The following TNIK variants were observed in gnomAD, a reference collection of about 807,000 sequenced individuals.
The protein encoded by TNIK is TRAF2 and NCK interacting kinase.
In TNIK, 49 loss-of-function variants were observed where a neutral mutation model predicts 191.3. The observed-to-expected ratio is 0.26, with a 90% CI of 0.20 to 0.32. The LOEUF (loss-of-function observed/expected upper bound fraction) is 0.32, where lower values mean the gene tolerates loss of function less well. Among genes scored for constraint, TNIK ranks in the 10% least tolerant of loss-of-function variants. TNIK has a pLI of 1.00. For missense variants in TNIK, 1,155 were observed against 1,702.3 expected, an observed-to-expected ratio of 0.68 and a Z score of 5.66; for synonymous variants, 594 against 600.9, an observed-to-expected ratio of 0.99 and a Z score of 0.17.
At chr3:171,419,058 C>T (rs1414103568) in intron 1 of TNIK, among the ~76,000 whole-genome samples, 14 of 152,250 alleles carry the variant, frequency 9.2e-5, no homozygotes, top group Non-Finnish European at 5.9e-5. Flanking sequence ...ATTAATCCTA[C>T]CAGATTAGGG....
Position 171,126,086 on chromosome 3 carries a change from C to T in TNIK, c.1839G>A (p.Glu613=), listed in dbSNP as rs1728438637. ...PALTASQSVH[E]QPTKGLSGFQ... ...ACCCAGAGAGGCCCTTTGTGGGCTG[C>T]TCGTGCACTGACTGGGAGGCGGTCA... The change falls in exon 17 of 33, where the codon GAG becomes GAA. Residue 613 remains glutamate, a synonymous_variant. Coordinates refer to ENST00000436636, the MANE Select transcript of TNIK (RefSeq NM_015028.4). The T allele has an allele frequency of 1.2e-6, 2 of 1,605,822 alleles. No individual in the cohort carries two copies. Among genetic ancestry groups the T allele is most frequent in the Non-Finnish European group, 1.7e-6 (2 of 1,175,416 alleles).
At chr3:171,210,504 G>A (rs1160961130) in intron 4 of TNIK, among the ~76,000 whole-genome samples, 1 of 152,166 alleles carries the variant, frequency 6.6e-6, no homozygotes, top group African/African-American at 2.4e-5. Flanking sequence ...TACCTAAGTG[G>A]ACTAGGGGAA....
At chr3:171,326,855 GCT>G (rs1168635953) in intron 2 of TNIK, among the ~76,000 whole-genome samples, 1 of 152,160 alleles carries the variant, frequency 6.6e-6, no homozygotes, top group African/African-American at 2.4e-5. Flanking sequence ...CCTTGAGGGT[GCT>G]CTTCTTAGGA....
intron 10 of TNIK, among the ~76,000 whole-genome samples, chr3:171,162,086 T>C (rs1734063954): frequency 6.6e-6 from 1 of 152,140 alleles, no homozygotes; most frequent in Non-Finnish European, 1.5e-5. Flanking sequence ...TAGACTATTT[T>C]GCTAAGTGCA....
chr3:171,289,279 G>A (rs1751412183), intron 2 of TNIK, among the ~76,000 whole-genome samples: 1 of 152,180 alleles, frequency 6.6e-6, no homozygotes, highest in Non-Finnish European at 1.5e-5. Flanking sequence ...CCTGTAAAAA[G>A]AGAATATGAG....
At chr3:171,309,618 T>C (rs964390253) in intron 2 of TNIK, among the ~76,000 whole-genome samples, 1 of 152,130 alleles carries the variant, frequency 6.6e-6, no homozygotes, top group African/African-American at 2.4e-5. Flanking sequence ...ACAATAAACA[T>C]TGGTAGATAT....
At chr3:171,294,093 G>A (rs1052955687) in intron 2 of TNIK, among the ~76,000 whole-genome samples, 4 of 152,098 alleles carry the variant, frequency 2.6e-5, no homozygotes, top group Non-Finnish European at 5.9e-5. Flanking sequence ...GCTGGGTGTG[G>A]TGGCAAGCAC....
At chr3:171,208,065 T>C (rs1165200497) in intron 4 of TNIK, among the ~76,000 whole-genome samples, 1 of 152,118 alleles carries the variant, frequency 6.6e-6, no homozygotes, top group Non-Finnish European at 1.5e-5. Flanking sequence ...GTGCAGTGGC[T>C]TGCACCTGTA....
chr3:171,173,159 C>A (rs549189219), intron 9 of TNIK, among the ~76,000 whole-genome samples: 7 of 148,292 alleles, frequency 4.7e-5, no homozygotes, highest in Non-Finnish European at 7.4e-5. Context: ...CCGAGGCGGG[C>A]GGATCATGAG....
At chr3:171,153,895 G>C (rs947726943) in intron 12 of TNIK, among the ~76,000 whole-genome samples, 2 of 149,396 alleles carry the variant, frequency 1.3e-5, no homozygotes, top group African/African-American at 5.0e-5. Context: ...AGTCATTGCT[G>C]TGATGATAAA....
At chr3:171,306,067 C>T (rs1753415889) in intron 2 of TNIK, among the ~76,000 whole-genome samples, 1 of 152,092 alleles carries the variant, frequency 6.6e-6, no homozygotes, top group Non-Finnish European at 1.5e-5. Flanking sequence ...TTGGCAGGAA[C>T]GTGGATGGAA....
intron 1 of TNIK, among the ~76,000 whole-genome samples, chr3:171,441,290 T>C (rs1726768279): frequency 6.6e-6 from 1 of 152,154 alleles, no homozygotes; most frequent in Non-Finnish European, 1.5e-5. Context: ...AAAAGATCCC[T>C]CCGGCCCATT....
At chr3:171,145,080 A>ATCTCTC (rs149632182) in intron 12 of TNIK, among the ~76,000 whole-genome samples, 4 of 126,176 alleles carry the variant, frequency 3.2e-5, no homozygotes, top group African/African-American at 1.1e-4. Flanking sequence ...GAGCACAGCT[A>ATCTCTC]TCTCTCTCTT....
At chr3:171,217,696 T>C (rs1741615062) in intron 3 of TNIK, among the ~76,000 whole-genome samples, 1 of 152,178 alleles carries the variant, frequency 6.6e-6, no homozygotes. Context: ...TACAGTTTAG[T>C]GGAAGACACA....
At chr3:171,343,290 CA>C (rs879823839) in intron 2 of TNIK, among the ~76,000 whole-genome samples, 119 of 152,184 alleles carry the variant, frequency 7.8e-4, no homozygotes, top group Admixed American at 1.4e-3. Flanking sequence ...TATGTTACTT[CA>C]ATATGATGTA....
chr3:171,428,808 T>G (rs1724983524), intron 1 of TNIK, among the ~76,000 whole-genome samples: 1 of 152,176 alleles, frequency 6.6e-6, no homozygotes, highest in African/African-American at 2.4e-5. Context: ...GTGATGGCTG[T>G]GATCATTCCT....
chr3:171,077,769 ATC>A (rs942219582), intron 28 of TNIK, among the ~76,000 whole-genome samples: 1 of 151,608 alleles, frequency 6.6e-6, no homozygotes, highest in African/African-American at 2.4e-5. Context: ...ATTCCTCATA[ATC>A]TCTCTCTCTA....
chr3:171,275,766 G>T (rs983022319), intron 2 of TNIK, among the ~76,000 whole-genome samples: 6 of 152,030 alleles, frequency 3.9e-5, no homozygotes, highest in African/African-American at 7.2e-5. Context: ...GCGTGGTGGT[G>T]GGTGCCTGTA....
intron 1 of TNIK, among the ~76,000 whole-genome samples, chr3:171,444,742 T>C (rs1727269555): frequency 6.6e-6 from 1 of 152,206 alleles, no homozygotes; most frequent in South Asian, 2.1e-4. Context: ...CTCCTAAGAA[T>C]GTGTACTGTC....
Sources: gnomAD v4.1 joint callset for allele counts (sites outside exome capture counted in the v4.1 genomes callset) on GRCh38, gnomAD v4.1.1 for gene constraint, MANE v1.5 for transcripts, NCBI Gene and HGNC (gene_info 2026-07-23, HGNC 2026-07-21) for gene names.